Variants in RTN4 observed in about 807,000 individuals in gnomAD.
RTN4 encodes reticulon-4.
Under a neutral mutation model 90.4 loss-of-function variants are expected in RTN4, and 32 were observed. The observed-to-expected ratio is 0.35, with a 90% confidence interval of 0.27 to 0.48. RTN4 has a LOEUF of 0.48. Ranked by LOEUF, RTN4 falls within the 20% of genes least tolerant of loss-of-function variation. RTN4 has a pLI of 0.99. For missense variants in RTN4, 1,706 were observed against 1,430.2 expected (o/e 1.19, Z -3.11); for synonymous variants, 629 against 552.5 (o/e 1.14, Z -1.94).
chr2:54,979,264 C>T (rs1677926028), intron 5 of RTN4, among the ~76,000 whole-genome samples: 1 of 151,852 alleles, frequency 6.6e-6, no homozygotes, highest in South Asian at 2.1e-4. Context: ...CACAATGTTG[C>T]CTAGGCTGGT....
intron 1 of RTN4, among the ~76,000 whole-genome samples, chr2:55,092,233 C>T (rs1360191862): frequency 1.2e-4 from 18 of 145,998 alleles, no homozygotes; most frequent in African/African-American, 3.3e-4. Flanking sequence ...ATTTTTTTTT[C>T]TTTTCTTTTT....
intron 3 of RTN4, among the ~76,000 whole-genome samples, chr2:54,999,732 C>T (rs982954336): frequency 2.6e-5 from 4 of 152,076 alleles, no homozygotes; most frequent in Non-Finnish European, 4.4e-5. Context: ...AACCCTTAAT[C>T]AAATTCTTCC....
chr2:55,000,568 A>G (rs1330721774), intron 3 of RTN4, among the ~76,000 whole-genome samples: 2 of 152,296 alleles, frequency 1.3e-5, no homozygotes, highest in South Asian at 2.1e-4. Context: ...TGCTGAGTAC[A>G]TTGTATACAT....
intron 3 of RTN4, among the ~76,000 whole-genome samples, chr2:55,016,153 C>CA (rs1681019873): frequency 1.3e-5 from 2 of 151,968 alleles, no homozygotes; most frequent in South Asian, 4.1e-4. Flanking sequence ...ACACTAAGTA[C>CA]AAAAAATCAG....
chr2:54,981,632 C>G (rs983880573), intron 5 of RTN4, among the ~76,000 whole-genome samples: 7 of 152,190 alleles, frequency 4.6e-5, no homozygotes, highest in Non-Finnish European at 1.0e-4. Context: ...CCTGTTTCGT[C>G]AGTCAGAACT....
chr2:54,990,234 C>A (rs538671948), intron 3 of RTN4, among the ~76,000 whole-genome samples: 4 of 152,230 alleles, frequency 2.6e-5, no homozygotes, highest in African/African-American at 9.6e-5. Flanking sequence ...AGGGTGACAA[C>A]AGTCAATAGT....
intron 3 of RTN4, among the ~76,000 whole-genome samples, chr2:55,006,253 G>T (rs1680215918): frequency 6.6e-6 from 1 of 152,080 alleles, no homozygotes; most frequent in Admixed American, 6.6e-5. Context: ...ACTAACCCAA[G>T]ATCTAGAAAA....
intron 2 of RTN4, among the ~76,000 whole-genome samples, chr2:55,056,068 T>A (rs1165965238): frequency 6.6e-6 from 1 of 152,034 alleles, no homozygotes; most frequent in East Asian, 1.9e-4. Context: ...TCACTTTCCG[T>A]GGTCTTAGTT....
intron 2 of RTN4, among the ~76,000 whole-genome samples, chr2:55,073,873 G>A (rs916726597): frequency 1.1e-4 from 16 of 152,294 alleles, no homozygotes; most frequent in African/African-American, 3.8e-4. Flanking sequence ...GCAGTGCCAG[G>A]ACCTGAGCTC....
intron 2 of RTN4, among the ~76,000 whole-genome samples, chr2:55,058,592 A>C (rs1668232582): frequency 6.6e-6 from 1 of 152,214 alleles, no homozygotes; most frequent in South Asian, 2.1e-4. Flanking sequence ...TACTGTGTTA[A>C]GCCTGATTCA....
intron 3 of RTN4, among the ~76,000 whole-genome samples, chr2:55,003,289 T>C (rs959083462): frequency 6.6e-6 from 1 of 152,264 alleles, no homozygotes; most frequent in Non-Finnish European, 1.5e-5. Flanking sequence ...TAATATTTGA[T>C]AATTTGGTAA....
In RTN4 at chr2:55,026,814, G is replaced by A. The variant is rs1201571132; in HGVS notation, c.1285C>T (p.Leu429Phe). 2.5e-6 allele frequency: 4 copies of A among 1,613,770 alleles called. No homozygotes were observed. The highest frequency in any genetic ancestry group is 2.2e-5 in the South Asian group (2 of 91,080). The change falls in exon 3 of 9, where the codon CTT becomes TTT. Residue 429 changes from leucine to phenylalanine, a missense_variant. By Grantham distance (22) the Leu-to-Phe change is conservative (BLOSUM62 0). Transcript: ENST00000337526. ...KVDKKCFADSLEQTNHEKDSE... is the reference protein window; with the variant it reads ...KVDKKCFADSFEQTNHEKDSE... ...TCTTTTTCGTGATTAGTTTGCTCAA[G>A]GCTATCTGCAAAACATTTTTTATCC...
the RTN4 span, among the ~76,000 whole-genome samples, chr2:55,133,619 T>C: frequency 6.6e-6 from 1 of 152,144 alleles, no homozygotes; most frequent in Admixed American, 6.5e-5. Flanking sequence ...CTCCATTCTA[T>C]GGAGGGAGAA....
intron 3 of RTN4, among the ~76,000 whole-genome samples, chr2:55,011,185 AATTT>A (rs953246813): frequency 1.3e-5 from 2 of 151,968 alleles, no homozygotes; most frequent in African/African-American, 4.8e-5. Context: ...ATGCCCAGTT[AATTT>A]TTTATTTTTA....
chr2:55,050,029 C>G lies in RTN4; in HGVS notation c.272G>C (p.Arg91Pro). The change falls in exon 1 of 9, where the codon CGG (arginine) becomes CCG (proline). Residue 91 changes from arginine (R) to proline (P), a missense_variant. Arg to Pro is a moderately radical substitution (Grantham distance 103, BLOSUM62 -2). Transcript: ENST00000337526. The surrounding 1 kb of genome is among the most constrained non-coding windows in gnomAD (Gnocchi z 4.6). ...FGNDFVPPAP[R>P]GPLPAAPPVA... ...GGGGGGAGCGGCCGGCAGGGGTCCC[C>G]GGGGCGCCGGCGGCACGAAGTCATT... 1 of 1,394,012 alleles carries G rather than the reference C, an allele frequency of 7.2e-7. No individual in the cohort carries two copies. The highest frequency in any genetic ancestry group is 9.2e-7 in the Non-Finnish European group (1 of 1,081,140). The allele number at this position is 1,394,012 out of a possible 1,614,324, so 86.4% of individuals were successfully genotyped here. A position where few individuals can be genotyped will look rare whatever the true frequency, so the allele number is the denominator to read the frequency against.
chr2:55,122,031 T>C, the RTN4 span, among the ~76,000 whole-genome samples: 1 of 152,244 alleles, frequency 6.6e-6, no homozygotes, highest in South Asian at 2.1e-4. Context: ...AGGGTCTCAC[T>C]CTGTTGCCCA....
chr2:55,103,305 C>T (rs1394547049), intron 1 of RTN4, among the ~76,000 whole-genome samples: 1 of 151,762 alleles, frequency 6.6e-6, no homozygotes, highest in Non-Finnish European at 1.5e-5. Context: ...TTGTGGTTAC[C>T]AGAGACTTGG....
At position 55,026,711 on chromosome 2, in the gene RTN4, G is replaced by A; in HGVS notation, c.1388C>T (p.Thr463Ile). ...TGCTGCTGGGTTAAAGGGAGCACATGTGATATATGCTCCTGAACGATCCTT... is the reference window on the plus strand; with the variant it reads ...TGCTGCTGGGTTAAAGGGAGCACATATGATATATGCTCCTGAACGATCCTT... The part of the protein sequence containing the change: ...GIKDRSGAYI[T>I]CAPFNPAATE... The change falls in exon 3 of 9, where the codon ACA (threonine) becomes ATA (isoleucine). Residue 463 changes from threonine to isoleucine, a missense_variant. Physicochemically the swap from Thr to Ile is moderately conservative, Grantham distance 89 (BLOSUM62 -1). Coordinates refer to ENST00000337526, the MANE Select transcript of RTN4 (RefSeq NM_020532.5). The A allele has an allele frequency of 6.2e-7, 1 of 1,613,582 alleles. No homozygotes were observed. The highest frequency in any genetic ancestry group is 8.5e-7 in the Non-Finnish European group (1 of 1,179,564).
intron 1 of RTN4, among the ~76,000 whole-genome samples, chr2:55,092,487 G>A (rs1468969178): frequency 6.6e-6 from 1 of 152,092 alleles, no homozygotes; most frequent in Non-Finnish European, 1.5e-5. Flanking sequence ...GCCCACCTCG[G>A]CCTCCTAAAG....
Sources: gnomAD v4.1 joint callset for allele counts (sites outside exome capture counted in the v4.1 genomes callset) on GRCh38, gnomAD v4.1.1 for gene constraint, Gnocchi (gnomAD v3.1) non-coding constraint, MANE v1.5 for transcripts, NCBI Gene and HGNC (gene_info 2026-07-23, HGNC 2026-07-21) for gene names.